The following KLHL1 variants were observed in gnomAD, a reference collection of about 807,000 sequenced individuals.
KLHL1 encodes kelch like family member 1.
A neutral mutation model predicts 77.7 loss-of-function variants in KLHL1; 47 were observed. The ratio of observed to expected loss-of-function variants is 0.60; its 90% CI spans 0.48 to 0.77. The LOEUF is 0.77. Among genes scored for constraint, KLHL1 ranks in the 30% least tolerant of loss-of-function variants. The pLI is 0.00. For synonymous variants in KLHL1, 360 were observed against 325.2 expected, an observed-to-expected ratio of 1.11 and a Z score of -1.15; for missense variants, 925 against 910.8, an observed-to-expected ratio of 1.02 and a Z score of -0.20.
rs118004269 is a variant in KLHL1, at chr13:69,799,263, C to T, written c.1415-2301G>A. ...TGAACAACTGTACTTCCCACAGACT[C>T]CAAAGCCTTGCTAAAAATCTTTGCA... On this transcript the variant is annotated intron_variant, in intron 6 of 10. Transcript: ENST00000377844. Among the ~76,000 whole-genome samples, 8 of 152,290 alleles carry T rather than the reference C, an allele frequency of 5.3e-5. No individual in the cohort carries two copies. In the East Asian group the frequency reaches 1.4e-3, roughly 26 times the overall value.
intron 2 of KLHL1, among the ~76,000 whole-genome samples, chr13:69,965,528 C>T (rs1884187771): frequency 2.0e-5 from 3 of 152,084 alleles, no homozygotes; most frequent in South Asian, 2.1e-4. Flanking sequence ...AAAACTAGGC[C>T]TACTAATAAC....
At chr13:70,028,881 G>A (rs1160914104) in intron 1 of KLHL1, among the ~76,000 whole-genome samples, 1 of 151,946 alleles carries the variant, frequency 6.6e-6, no homozygotes, top group East Asian at 1.9e-4. Context: ...CAAGATTGAG[G>A]TGGGAGGATC....
intron 2 of KLHL1, among the ~76,000 whole-genome samples, chr13:69,970,881 C>T (rs574996971): frequency 6.6e-6 from 1 of 152,218 alleles, no homozygotes; most frequent in South Asian, 2.1e-4. Context: ...TGGCTTATGA[C>T]ATCATCCTTC....
rs370414397 is a variant in KLHL1 at position 69,748,592 on chromosome 13, A to T, written c.1640-8036T>A. 5.9e-5 allele frequency among the ~76,000 whole-genome samples: 9 copies of T among 152,128 alleles called. No individual in the cohort carries two copies. The South Asian group carries it at 1.9e-3, about 32-fold the overall frequency. On this transcript the variant is annotated intron_variant, in intron 7 of 10. Coordinates refer to ENST00000377844, the MANE Select transcript of KLHL1 (RefSeq NM_020866.3). ...GAGATTTGGGTGGGGTCACAGAGCC[A>T]GACCATATCACCACCAGTATGACAT...
chr13:69,856,965 G>A (rs547707814), intron 5 of KLHL1, among the ~76,000 whole-genome samples: 43 of 152,000 alleles, frequency 2.8e-4, no homozygotes, highest in Non-Finnish European at 4.6e-4. Context: ...CTTGTCTACC[G>A]TTCCAACCTT....
At chr13:70,003,488 A>G (rs1042877957) in intron 1 of KLHL1, among the ~76,000 whole-genome samples, 1 of 151,706 alleles carries the variant, frequency 6.6e-6, no homozygotes, top group Non-Finnish European at 1.5e-5. Context: ...AAGAGATCAA[A>G]CCAGAGAGAG....
intron 7 of KLHL1, among the ~76,000 whole-genome samples, chr13:69,753,830 T>TATAA (rs1874588427): frequency 8.5e-6 from 1 of 118,218 alleles, no homozygotes; most frequent in African/African-American, 3.1e-5. Context: ...CATAATGGCA[T>TATAA]AGAAATAATT....
At chr13:70,088,094 T>G (rs567981195) in intron 1 of KLHL1, among the ~76,000 whole-genome samples, 1 of 152,070 alleles carries the variant, frequency 6.6e-6, no homozygotes, top group Non-Finnish European at 1.5e-5. Context: ...CAAAAGTAGG[T>G]TTTTTAAAAG....
intron 7 of KLHL1, among the ~76,000 whole-genome samples, chr13:69,794,342 C>T (rs1194629225): frequency 6.6e-6 from 1 of 152,036 alleles, no homozygotes; most frequent in African/African-American, 2.4e-5. Context: ...GCCCTTCATA[C>T]AATTACCCAA....
chr13:70,016,998 T>G (rs981269462), intron 1 of KLHL1, among the ~76,000 whole-genome samples: 11 of 152,160 alleles, frequency 7.2e-5, no homozygotes, highest in Admixed American at 1.3e-4. Flanking sequence ...CACTAAGAGC[T>G]GAACACTTAT....
intron 1 of KLHL1, among the ~76,000 whole-genome samples, chr13:70,015,944 C>T (rs1025099675): frequency 6.6e-6 from 1 of 152,106 alleles, no homozygotes; most frequent in Non-Finnish European, 1.5e-5. Context: ...ACTTTGACTA[C>T]ATTTCTATGG....
chr13:69,866,522 G>C (rs972578624), intron 5 of KLHL1, among the ~76,000 whole-genome samples: 5 of 152,040 alleles, frequency 3.3e-5, no homozygotes, highest in African/African-American at 9.7e-5. Context: ...ATCATCCTTT[G>C]CATTGGTCTT....
intron 6 of KLHL1, among the ~76,000 whole-genome samples, chr13:69,800,187 C>A (rs182721982): frequency 6.6e-6 from 1 of 152,278 alleles, no homozygotes; most frequent in Non-Finnish European, 1.5e-5. Context: ...CTGACATTGA[C>A]CCTTGTGATT....
At chr13:69,970,737 G>A (rs544775318) in intron 2 of KLHL1, among the ~76,000 whole-genome samples, 1 of 152,228 alleles carries the variant, frequency 6.6e-6, no homozygotes, top group East Asian at 1.9e-4. Context: ...AGAGCTTCCG[G>A]AGAGATAAAG....
intron 4 of KLHL1, among the ~76,000 whole-genome samples, chr13:69,936,648 T>C (rs1180762614): frequency 6.7e-6 from 1 of 150,346 alleles, no homozygotes; most frequent in Non-Finnish European, 1.5e-5. Context: ...TGTTGAAGCA[T>C]GTTTTGAATT....
intron 7 of KLHL1, among the ~76,000 whole-genome samples, chr13:69,787,962 A>T (rs1418892461): frequency 6.6e-6 from 1 of 152,236 alleles, no homozygotes; most frequent in Non-Finnish European, 1.5e-5. Flanking sequence ...ATGAGATACC[A>T]TCTCACACCA....
rs372615494 is a variant in KLHL1 at position 69,961,208 on chromosome 13, A to G, written c.817+100T>C. The G allele has an allele frequency of 7.0e-4, 781 of 1,117,092 alleles. 13 individuals carry two copies. The South Asian group carries it at 0.012, about 18-fold the overall frequency. The allele number at this position is 1,117,092 out of a possible 1,614,324, so 69.2% of individuals were successfully genotyped here. ...TAGTTTTCAACTGAAAAGATACAGA[A>G]TACAGAATTTTTTTTAAAAAAGCGT... On this transcript the variant is annotated intron_variant, in intron 3 of 10. Transcript: ENST00000377844.
At chr13:69,994,099 GA>G (rs912294225) in intron 1 of KLHL1, among the ~76,000 whole-genome samples, 1 of 152,080 alleles carries the variant, frequency 6.6e-6, no homozygotes, top group Non-Finnish European at 1.5e-5. Context: ...TCAAGGCACA[GA>G]TAAAGAACTG....
chr13:69,999,668 A>C (rs925217773), intron 1 of KLHL1, among the ~76,000 whole-genome samples: 2 of 152,054 alleles, frequency 1.3e-5, no homozygotes, highest in African/African-American at 4.8e-5. Flanking sequence ...GATGGCACCT[A>C]GCAATCCTAT....
Sources: allele counts gnomAD v4.1 joint callset (sites outside exome capture counted in the v4.1 genomes callset), GRCh38; gene constraint gnomAD v4.1.1; transcripts MANE v1.5; gene names NCBI Gene and HGNC (gene_info 2026-07-23, HGNC 2026-07-21).